Variants in DYNLT3 observed in about 807,000 individuals in gnomAD.
The protein encoded by DYNLT3 is dynein light chain Tctex-type 3.
A neutral mutation model predicts 11.0 loss-of-function variants in DYNLT3; 4 were observed. That is an observed-to-expected ratio of 0.36 (90% CI 0.18 to 0.83). DYNLT3 has a LOEUF of 0.83. DYNLT3 is among the 40% of genes least tolerant of loss of function. DYNLT3 has a pLI of 0.47. For synonymous variants in DYNLT3, 37 were observed against 31.2 expected (o/e 1.18, Z -0.61); for missense variants, 91 against 91.1 (o/e 1.00, Z 0.01).
At position 37,840,654 on chromosome X, in the gene DYNLT3, G is replaced by A; in HGVS notation, c.275-3C>T. The A allele has an allele frequency of 8.5e-7, 1 of 1,177,059 alleles. No individual in the cohort carries two copies. On this transcript the variant is annotated splice_region_variant and splice_polypyrimidine_tract_variant and intron_variant, in intron 4 of 4. Coordinates refer to ENST00000378578, the MANE Select transcript of DYNLT3 (RefSeq NM_006520.3). Reference sequence around the variant, plus strand: ...CTCCCATCTTACGGTACAGGTTCCTGAAACACAAAAAAAGGATTTTGAAAT... The same window carrying A: ...CTCCCATCTTACGGTACAGGTTCCTAAAACACAAAAAAAGGATTTTGAAAT...
chrX:37,846,294 G>A, intron 2 of DYNLT3, 23 bp downstream of exon 2: 1 of 1,204,049 alleles, frequency 8.3e-7, no homozygotes, highest in Non-Finnish European at 1.1e-6. Context: ...CAAGCTTCAA[G>A]AGAAACAAAA....
intron 1 of DYNLT3, 92 bp downstream of exon 1, chrX:37,847,389 G>C: frequency 1.0e-6 from 1 of 995,614 alleles, no homozygotes; most frequent in Non-Finnish European, 1.3e-6. Context: ...CCCAACTCTT[G>C]GGACCGCCCT....
At position 37,847,544 on chromosome X, in the gene DYNLT3, C is replaced by T; in HGVS notation, c.-34G>A. ...CGGCTCTCCCTGGGGCGGAGCGACA[C>T]GCCGGTAGAGCACCGCGGCCGCGCA... On this transcript the variant is annotated 5_prime_UTR_variant, in exon 1 of 5. In the 5' UTR this introduces an upstream ATG that the reference lacks. Transcript: ENST00000378578. 1 of 963,400 alleles carries T rather than the reference C, an allele frequency of 1.0e-6. No individual in the cohort carries two copies. The highest frequency in any genetic ancestry group is 1.3e-6 in the Non-Finnish European group (1 of 765,669). 79.4% of individuals were successfully genotyped at this position (963,400 alleles called of 1,213,427 possible). A position where few individuals can be genotyped will look rare whatever the true frequency, so the allele number is the denominator to read the frequency against.
rs1930149090 is a variant in DYNLT3, at chrX:37,841,186, C to G, written c.197-81G>C. 5.1e-6 allele frequency: 4 copies of G among 789,756 alleles called. No homozygotes were observed. In the African/African-American group the frequency reaches 6.4e-5, roughly 13 times the overall value. 65.1% of individuals were successfully genotyped at this position (789,756 alleles called of 1,213,427 possible). A position where few individuals can be genotyped will look rare whatever the true frequency, so the allele number is the denominator to read the frequency against. Reference sequence around the variant, plus strand: ...GGTCAAAGTGTGTGAGTTCAGAGCTCTACAAGCCGAAAACAAGACAAAAAA... The same window carrying G: ...GGTCAAAGTGTGTGAGTTCAGAGCTGTACAAGCCGAAAACAAGACAAAAAA... On this transcript the variant is annotated intron_variant, in intron 3 of 4. Transcript: ENST00000378578.
At position 37,840,707 on chromosome X, in the gene DYNLT3, A is replaced by AAT. The variant is rs745873902; in HGVS notation, c.275-58_275-57dup. 0.011 allele frequency: 6,798 copies of AAT among 640,795 alleles called. 250 individuals are homozygous for AAT. In the African/African-American group the frequency reaches 0.11, roughly 11 times the overall value. The allele number at this position is 640,795 out of a possible 1,213,427, so 52.8% of individuals were successfully genotyped here. On this transcript the variant is annotated intron_variant, in intron 4 of 4. Transcript: ENST00000378578. ...CAGCAAAACATAAAAATTATCAGAG[A>AAT]ATATATATATATATATACACACACA... is the stretch of plus-strand genomic sequence containing the variant.
intron 2 of DYNLT3, among the ~76,000 whole-genome samples, chrX:37,845,886 C>T (rs1264846174): frequency 8.9e-6 from 1 of 112,381 alleles, no homozygotes; most frequent in African/African-American, 3.2e-5. Flanking sequence ...AAATCTTGTT[C>T]TTGGCCGGGT....
At chrX:37,841,688 T>A (rs1930162961) in intron 3 of DYNLT3, 94 bp downstream of exon 3, 29 of 945,666 alleles carry the variant, frequency 3.1e-5, no homozygotes, top group Non-Finnish European at 3.9e-5. Flanking sequence ...AGTATCCAAC[T>A]TAAATGTCTA....
At chrX:37,841,693 T>C in intron 3 of DYNLT3, 89 bp downstream of exon 3, 1 of 959,477 alleles carries the variant, frequency 1.0e-6, no homozygotes, top group East Asian at 3.4e-5. Flanking sequence ...CCAACTTAAA[T>C]GTCTATTGTA....
intron 4 of DYNLT3, among the ~76,000 whole-genome samples, 161 bp downstream of exon 4, chrX:37,840,867 A>G (rs1455961650): frequency 1.6e-4 from 18 of 109,502 alleles, no homozygotes. Flanking sequence ...AAGTTTTCAC[A>G]TTTCATATCG....
chrX:37,847,489 A>G lies in DYNLT3; in HGVS notation c.22T>C (p.Cys8Arg). MEEYHRH[C>R]DEVGFNAEEA... Reference sequence around the variant, plus strand: ...TAGCCAAGGGGCGGTACCTCGTCGCAGTGGCGATGGTACTCCTCCATGGTA... The same window carrying G: ...TAGCCAAGGGGCGGTACCTCGTCGCGGTGGCGATGGTACTCCTCCATGGTA... Residue 8 changes from cysteine (C) to arginine (R), a missense_variant, in exon 1 of 5, where the codon TGC (cysteine) becomes CGC (arginine). By Grantham distance (180) the Cys-to-Arg change is radical. Coordinates refer to ENST00000378578, the MANE Select transcript of DYNLT3 (RefSeq NM_006520.3). The G allele has an allele frequency of 1.0e-6, 1 of 999,242 alleles. No homozygotes were observed. The highest frequency in any genetic ancestry group is 1.3e-6 in the Non-Finnish European group (1 of 787,841). The allele number at this position is 999,242 out of a possible 1,213,427, so 82.3% of individuals were successfully genotyped here.
intron 3 of DYNLT3, 58 bp downstream of exon 3, chrX:37,841,724 A>G (rs1930164362): frequency 2.1e-5 from 23 of 1,099,375 alleles, no homozygotes; most frequent in Non-Finnish European, 2.4e-5. Flanking sequence ...CTCAAAATTC[A>G]GAGAAAATCA....
chrX:37,845,361 CTG>C (rs1253076770), intron 2 of DYNLT3, among the ~76,000 whole-genome samples: 1 of 112,320 alleles, frequency 8.9e-6, no homozygotes, highest in Non-Finnish European at 1.9e-5. Context: ...CTTTCCCACA[CTG>C]TGGTCTGTAT....
rs752639637 is a variant in DYNLT3, at chrX:37,841,134, C to G, written c.197-29G>C. On this transcript the variant is annotated intron_variant, in intron 3 of 4. Transcript: ENST00000378578. ...CAAATAAAGTCACAGAATGAGGGCACTTACAGACAAAGGAAAAGAGAACCA... is the reference window on the plus strand; with the variant it reads ...CAAATAAAGTCACAGAATGAGGGCAGTTACAGACAAAGGAAAAGAGAACCA... 7.7e-6 allele frequency: 9 copies of G among 1,167,360 alleles called. No individual in the cohort carries two copies. The Admixed American group carries it at 1.6e-4, about 20-fold the overall frequency.
intron 1 of DYNLT3, 136 bp downstream of exon 1, chrX:37,847,344 CA>C: frequency 1.1e-6 from 1 of 922,087 alleles, no homozygotes; most frequent in Non-Finnish European, 1.4e-6. Context: ...ATCCCGGGCC[CA>C]GGGGAGAGGA....
At chrX:37,842,139 T>C (rs1930180434) in intron 2 of DYNLT3, among the ~76,000 whole-genome samples, 1 of 111,678 alleles carries the variant, frequency 9.0e-6, no homozygotes, top group Non-Finnish European at 1.9e-5. Flanking sequence ...CTATGGGCCA[T>C]ATAAAGATAA....
At chrX:37,847,306 G>T in intron 1 of DYNLT3, 175 bp downstream of exon 1, 5 of 885,145 alleles carry the variant, frequency 5.6e-6, no homozygotes, top group Non-Finnish European at 7.5e-6. Flanking sequence ...AGGACTTTGG[G>T]GTGGGGAGAA....
chrX:37,846,396 A>C, intron 1 of DYNLT3, 38 bp from the exon 2 acceptor site: 4 of 1,175,894 alleles, frequency 3.4e-6, no homozygotes, highest in Non-Finnish European at 4.6e-6. Flanking sequence ...CTTTCAACAC[A>C]GGCTTACAAG....
At chrX:37,847,333 G>T in intron 1 of DYNLT3, 148 bp downstream of exon 1, 1 of 910,433 alleles carries the variant, frequency 1.1e-6, no homozygotes, top group Non-Finnish European at 1.4e-6. Context: ...GGGCGGGGCG[G>T]ATCCCGGGCC....
intron 4 of DYNLT3, among the ~76,000 whole-genome samples, 178 bp downstream of exon 4, chrX:37,840,850 A>G (rs1251583933): frequency 9.2e-6 from 1 of 108,767 alleles, no homozygotes; most frequent in Non-Finnish European, 1.9e-5. Context: ...ATTTCCTTCA[A>G]CCTGTTAAGT....
Sources: gnomAD v4.1 joint callset for allele counts (sites outside exome capture counted in the v4.1 genomes callset) on GRCh38, gnomAD v4.1.1 for gene constraint, MANE v1.5 for transcripts, NCBI Gene and HGNC (gene_info 2026-07-23, HGNC 2026-07-21) for gene names.